Variants in NKAIN3 observed in about 807,000 individuals in gnomAD.
The protein encoded by NKAIN3 is sodium/potassium transporting ATPase interacting 3.
NKAIN3 carries 25 observed loss-of-function variants against 30.2 expected under a neutral mutation model. The observed-to-expected ratio is 0.83, with a 90% CI of 0.60 to 1.16. The LOEUF is 1.16. NKAIN3 is among the 50% of genes most tolerant of loss of function. The pLI is 0.00. For missense variants in NKAIN3, 225 were observed against 254.1 expected, an observed-to-expected ratio of 0.89 and a Z score of 0.78; for synonymous variants, 91 against 89.6, an observed-to-expected ratio of 1.02 and a Z score of -0.09.
intron 4 of NKAIN3, among the ~76,000 whole-genome samples, chr8:62,884,463 G>A (rs1490009538): frequency 1.3e-5 from 2 of 152,048 alleles, no homozygotes; most frequent in African/African-American, 4.8e-5. Flanking sequence ...CTCCATGTTG[G>A]TCAGGCTGGT....
At chr8:62,903,211 G>A (rs1358560521) in intron 4 of NKAIN3, among the ~76,000 whole-genome samples, 2 of 152,248 alleles carry the variant, frequency 1.3e-5, no homozygotes, top group South Asian at 2.1e-4. Flanking sequence ...TGATTCATTT[G>A]GAGTCCAGGG....
At chr8:62,669,054 C>CTAT (rs1224110805) in intron 3 of NKAIN3, among the ~76,000 whole-genome samples, 1 of 152,142 alleles carries the variant, frequency 6.6e-6, no homozygotes, top group African/African-American at 2.4e-5. Context: ...CCCTGGTCAT[C>CTAT]TATTATCAAG....
At chr8:62,385,770 G>A (rs191956983) in intron 1 of NKAIN3, among the ~76,000 whole-genome samples, 2 of 152,244 alleles carry the variant, frequency 1.3e-5, no homozygotes, top group East Asian at 3.9e-4. Context: ...CCAGAATGGT[G>A]TATAAATGGC....
At chr8:62,440,326 C>T (rs1227381225) in intron 1 of NKAIN3, among the ~76,000 whole-genome samples, 1 of 152,184 alleles carries the variant, frequency 6.6e-6, no homozygotes, top group Non-Finnish European at 1.5e-5. Context: ...CCAAGCTTCA[C>T]TGGGGATGAA....
At chr8:62,830,848 T>C (rs1819175488) in intron 4 of NKAIN3, among the ~76,000 whole-genome samples, 1 of 152,190 alleles carries the variant, frequency 6.6e-6, no homozygotes, top group South Asian at 2.1e-4. Flanking sequence ...TAGTGCCTTC[T>C]CACTGGACAT....
intron 4 of NKAIN3, among the ~76,000 whole-genome samples, chr8:62,771,179 G>A (rs540236066): frequency 1.3e-5 from 2 of 152,090 alleles, no homozygotes; most frequent in Non-Finnish European, 1.5e-5. Flanking sequence ...TGTAATCCCA[G>A]CACTTTGGGA....
intron 3 of NKAIN3, among the ~76,000 whole-genome samples, chr8:62,671,147 C>T (rs1813290028): frequency 6.6e-6 from 1 of 152,138 alleles, no homozygotes; most frequent in Non-Finnish European, 1.5e-5. Context: ...ACTCTTAAGT[C>T]TGTGTGGGAG....
intron 1 of NKAIN3, among the ~76,000 whole-genome samples, chr8:62,257,244 A>G (rs1385182768): frequency 6.6e-6 from 1 of 152,200 alleles, no homozygotes; most frequent in African/African-American, 2.4e-5. Context: ...TGTCCTTCTA[A>G]TAAGTATTCA....
intron 1 of NKAIN3, among the ~76,000 whole-genome samples, chr8:62,371,869 C>T (rs1816917469): frequency 6.6e-6 from 1 of 151,936 alleles, no homozygotes; most frequent in Non-Finnish European, 1.5e-5. Context: ...AACTTTCTTT[C>T]AGTTCCCATG....
In NKAIN3 at chr8:62,971,070, C is replaced by CTG. The variant is rs542018033; in HGVS notation, c.*5664_*5665insGT. Among the ~76,000 whole-genome samples, 100 of 74,130 alleles carry CTG rather than the reference C, an allele frequency of 1.3e-3. No individual in the cohort carries two copies. In the East Asian group the frequency reaches 0.022, roughly 17 times the overall value. The allele number at this position is 74,130 out of a possible 152,430, so 48.6% of individuals were successfully genotyped here. On this transcript the variant is annotated 3_prime_UTR_variant, in exon 7 of 7. Transcript: ENST00000623646. ...TCCCTAGAGACAAGGACCGAGACTC[C>CTG]TCTCATTGCTTCATCCTCTGTGGCC...
intron 1 of NKAIN3, among the ~76,000 whole-genome samples, chr8:62,452,620 T>C (rs745959013): frequency 6.6e-6 from 1 of 152,036 alleles, no homozygotes; most frequent in Non-Finnish European, 1.5e-5. Context: ...TGAGAAGGAG[T>C]TCAGAAATGA....
intron 4 of NKAIN3, among the ~76,000 whole-genome samples, chr8:62,854,574 T>A (rs1270228733): frequency 6.6e-6 from 1 of 152,220 alleles, no homozygotes; most frequent in Non-Finnish European, 1.5e-5. Context: ...CCCTTCATTT[T>A]GAGCCTCTGT....
At chr8:62,282,234 A>C (rs1487252180) in intron 1 of NKAIN3, among the ~76,000 whole-genome samples, 1 of 152,012 alleles carries the variant, frequency 6.6e-6, no homozygotes, top group Non-Finnish European at 1.5e-5. Flanking sequence ...TATCCCACTA[A>C]TTTCCATCCC....
At chr8:62,863,105 C>T (rs1563599350) in intron 4 of NKAIN3, 1 of 1,297,992 alleles carries the variant, frequency 7.7e-7, no homozygotes, top group South Asian at 1.2e-5. Context: ...GGGTATTCCC[C>T]ATCCTGCTCA....
At chr8:62,554,096 C>A (rs1809309827) in intron 1 of NKAIN3, among the ~76,000 whole-genome samples, 1 of 152,072 alleles carries the variant, frequency 6.6e-6, no homozygotes, top group Admixed American at 6.6e-5. Context: ...AGATACTTTT[C>A]TTTGTAATTC....
intron 4 of NKAIN3, among the ~76,000 whole-genome samples, chr8:62,852,186 G>A (rs1178802585): frequency 6.6e-6 from 1 of 152,110 alleles, no homozygotes; most frequent in East Asian, 1.9e-4. Context: ...AGTCTTGGGA[G>A]GGTGTATGTG....
At chr8:62,627,252 G>A (rs976861783) in intron 3 of NKAIN3, among the ~76,000 whole-genome samples, 5 of 152,098 alleles carry the variant, frequency 3.3e-5, no homozygotes, top group Admixed American at 1.3e-4. Context: ...GTATTTAAAT[G>A]TCTTTAAATG....
chr8:62,743,514 A>T (rs887293879), intron 3 of NKAIN3, among the ~76,000 whole-genome samples: 1 of 152,220 alleles, frequency 6.6e-6, no homozygotes, highest in African/African-American at 2.4e-5. Context: ...AGAAATGAAG[A>T]CTTAAAGATT....
intron 1 of NKAIN3, among the ~76,000 whole-genome samples, chr8:62,253,129 A>G (rs559123388): frequency 5.4e-4 from 83 of 152,312 alleles, no homozygotes; most frequent in Non-Finnish European, 9.3e-4. Context: ...TGCACCTTTC[A>G]TCACTTCAAG....
Sources: gnomAD v4.1 joint callset for allele counts (sites outside exome capture counted in the v4.1 genomes callset) on GRCh38, gnomAD v4.1.1 for gene constraint, MANE v1.5 for transcripts, NCBI Gene and HGNC (gene_info 2026-07-23, HGNC 2026-07-21) for gene names.